The following XK variants were observed in gnomAD, a reference collection of about 807,000 sequenced individuals.
XK encodes endoplasmic reticulum membrane adapter protein XK.
A neutral mutation model predicts 14.0 loss-of-function variants in XK; 2 were observed. That is an observed-to-expected ratio of 0.14 (90% CI 0.06 to 0.45). The LOEUF (loss-of-function observed/expected upper bound fraction) is 0.45, where lower values mean the gene tolerates loss of function less well. Among genes scored for constraint, XK ranks in the 20% least tolerant of loss-of-function variants. The probability of loss-of-function intolerance (pLI) is 0.98; values close to 1 mark genes in which losing one functional copy is unlikely to be tolerated. For synonymous variants in XK, 149 were observed against 147.5 expected (o/e 1.01, Z -0.08); for missense variants, 235 against 341.5 (o/e 0.69, Z 2.46).
chrX:37,694,376 T>C lies in XK; in HGVS notation c.336T>C (p.Asn112=). ...CCAAGAAGAGGCAAATGCCAAAAAA[T>C]GGCCTCTCAGAGGAGATTGAGAAGG... The part of the protein sequence containing the change: ...SITKKRQMPK[N]GLSEEIEKEV... The change falls in exon 2 of 3, where the codon AAT becomes AAC. Residue 112 remains asparagine, a synonymous_variant. Transcript: ENST00000378616. The C allele has an allele frequency of 8.3e-7, 1 of 1,208,442 alleles. No homozygotes were observed. Among genetic ancestry groups the C allele is most frequent in the Non-Finnish European group, 1.1e-6 (1 of 893,465 alleles).
intron 2 of XK, among the ~76,000 whole-genome samples, chrX:37,705,639 TAC>T (rs1927510246): frequency 1.8e-5 from 2 of 111,713 alleles, no homozygotes; most frequent in Admixed American, 1.9e-4. Flanking sequence ...GAACTTCTCA[TAC>T]AATCTAGAAC....
chrX:37,702,779 T>A (rs1927440169), intron 2 of XK, among the ~76,000 whole-genome samples: 1 of 112,574 alleles, frequency 8.9e-6, no homozygotes, highest in East Asian at 2.8e-4. Flanking sequence ...AATTCTAAGT[T>A]CACAGTACTC....
chrX:37,702,704 T>A, intron 2 of XK, among the ~76,000 whole-genome samples: 1 of 112,296 alleles, frequency 8.9e-6, no homozygotes, highest in African/African-American at 3.2e-5. Flanking sequence ...CTGATTCACT[T>A]CATTAATTTA....
At chrX:37,726,119 T>C (rs782262668) in intron 2 of XK, among the ~76,000 whole-genome samples, 1 of 110,910 alleles carries the variant, frequency 9.0e-6, no homozygotes, top group East Asian at 2.9e-4. Flanking sequence ...ATGTAAACTT[T>C]GGATGATAAT....
intron 2 of XK, among the ~76,000 whole-genome samples, chrX:37,707,167 G>A (rs1409784760): frequency 3.6e-5 from 4 of 112,331 alleles, no homozygotes; most frequent in African/African-American, 1.3e-4. Context: ...AGACGGGGTG[G>A]TGGCCGGGCA....
At chrX:37,696,635 G>A (rs973692524) in intron 2 of XK, among the ~76,000 whole-genome samples, 1 of 112,534 alleles carries the variant, frequency 8.9e-6, no homozygotes, top group Non-Finnish European at 1.9e-5. Context: ...GGCAAATGTT[G>A]GTAGTGTCTG....
intron 2 of XK, among the ~76,000 whole-genome samples, chrX:37,722,809 G>C (rs1008779925): frequency 1.8e-5 from 2 of 111,951 alleles, no homozygotes; most frequent in Non-Finnish European, 3.8e-5. Context: ...CAGACACACT[G>C]TTCCCTTGTA....
intron 2 of XK, among the ~76,000 whole-genome samples, chrX:37,708,647 A>C (rs1927600467): frequency 8.9e-6 from 1 of 112,597 alleles, no homozygotes; most frequent in East Asian, 2.8e-4. Flanking sequence ...TTTCACAGAA[A>C]AACTAATTCT....
chrX:37,712,263 C>T (rs1423715214), intron 2 of XK, among the ~76,000 whole-genome samples: 1 of 111,851 alleles, frequency 8.9e-6, no homozygotes, highest in Non-Finnish European at 1.9e-5. Flanking sequence ...TGGCCAGACA[C>T]GTTGACTAGA....
chrX:37,699,399 G>A (rs1927366215), intron 2 of XK, among the ~76,000 whole-genome samples: 1 of 112,344 alleles, frequency 8.9e-6, no homozygotes, highest in Non-Finnish European at 1.9e-5. Flanking sequence ...TAACTCATGA[G>A]AGAACAAGCA....
At chrX:37,701,988 T>C (rs1927426764) in intron 2 of XK, among the ~76,000 whole-genome samples, 1 of 112,193 alleles carries the variant, frequency 8.9e-6, no homozygotes, top group Admixed American at 9.4e-5. Flanking sequence ...GCTTGGCCTT[T>C]GGCTAATTCA....
intron 1 of XK, among the ~76,000 whole-genome samples, chrX:37,686,588 T>C (rs1569472219): frequency 1.8e-5 from 2 of 112,079 alleles, no homozygotes; most frequent in Admixed American, 9.4e-5. Flanking sequence ...TGTTCTAAGC[T>C]GTGGTTACGG....
chrX:37,706,614 A>AAATT (rs1226768828), intron 2 of XK, among the ~76,000 whole-genome samples: 1 of 109,370 alleles, frequency 9.1e-6, no homozygotes, highest in Non-Finnish European at 1.9e-5. Flanking sequence ...TTTTTTTTTA[A>AAATT]AATTAATTAA....
intron 1 of XK, among the ~76,000 whole-genome samples, chrX:37,693,476 C>CGTGTGTGTGTGTGTGTGTGT (rs781954179): frequency 0.02 from 1,957 of 95,886 alleles, 26 homozygotes; most frequent in East Asian, 0.078. Flanking sequence ...TCTATCAATT[C>CGTGTGTGTGTGTGTGTGTGT]GTGTGTGTGT....
chrX:37,687,196 C>A (rs1257350346), intron 1 of XK, among the ~76,000 whole-genome samples: 2 of 70,739 alleles, frequency 2.8e-5, no homozygotes, highest in Non-Finnish European at 5.3e-5. Context: ...CTCTCTCTTA[C>A]ACACACACAC....
chrX:37,693,153 G>A (rs1927236224), intron 1 of XK, among the ~76,000 whole-genome samples: 1 of 111,794 alleles, frequency 8.9e-6, no homozygotes, highest in South Asian at 3.8e-4. Flanking sequence ...AGTCACCTCA[G>A]GATGAGAGTA....
At chrX:37,713,145 G>C (rs782391092) in intron 2 of XK, among the ~76,000 whole-genome samples, 2 of 111,819 alleles carry the variant, frequency 1.8e-5, no homozygotes, top group African/African-American at 6.5e-5. Context: ...ATTTGTGTAG[G>C]TATCTGCAGG....
intron 2 of XK, among the ~76,000 whole-genome samples, chrX:37,702,370 C>T (rs149195608): frequency 2.6e-4 from 29 of 111,957 alleles, no homozygotes; most frequent in African/African-American, 9.1e-4. Flanking sequence ...TTCCACATGG[C>T]CCTAAGGACA....
chrX:37,706,573 G>A (rs59859150), intron 2 of XK, among the ~76,000 whole-genome samples: 4,712 of 108,487 alleles, frequency 0.043, 258 homozygotes, highest in African/African-American at 0.15. Context: ...TTGTATTGTA[G>A]GTCGTGCAGG....
Sources: allele counts gnomAD v4.1 joint callset (sites outside exome capture counted in the v4.1 genomes callset), GRCh38; gene constraint gnomAD v4.1.1; transcripts MANE v1.5; gene names NCBI Gene and HGNC (gene_info 2026-07-23, HGNC 2026-07-21).